PTPRT: variants seen among roughly 807,000 people sequenced by gnomAD.
PTPRT encodes receptor-type tyrosine-protein phosphatase T.
In PTPRT, 56 loss-of-function variants were observed where a neutral mutation model predicts 176.8. The ratio of observed to expected loss-of-function variants is 0.32; its 90% CI spans 0.26 to 0.40. The LOEUF (loss-of-function observed/expected upper bound fraction) is 0.40. PTPRT is among the 10% of genes least tolerant of loss of function. The pLI, the probability that PTPRT is intolerant of heterozygous loss-of-function variation, is 1.00. For missense variants in PTPRT, 1,540 were observed against 1,908.2 expected (o/e 0.81, Z 3.60); for synonymous variants, 783 against 739.0 (o/e 1.06, Z -0.96).
chr20:42,088,830 G>T (rs1984299259), intron 27 of PTPRT, among the ~76,000 whole-genome samples: 1 of 152,108 alleles, frequency 6.6e-6, no homozygotes. Context: ...TGAGGATAAA[G>T]GACATAATTC....
chr20:43,119,854 A>T (rs979413509), intron 1 of PTPRT, among the ~76,000 whole-genome samples: 3 of 152,220 alleles, frequency 2.0e-5, no homozygotes, highest in African/African-American at 7.2e-5. Context: ...TATAAATAGC[A>T]ATGTCAGGAA....
intron 2 of PTPRT, among the ~76,000 whole-genome samples, chr20:42,813,611 T>G (rs2077733526): frequency 6.6e-6 from 1 of 152,198 alleles, no homozygotes; most frequent in Non-Finnish European, 1.5e-5. Context: ...ATAGCATATG[T>G]GACACCTGAC....
intron 15 of PTPRT, among the ~76,000 whole-genome samples, chr20:42,231,013 C>T (rs978727720): frequency 1.3e-5 from 2 of 152,196 alleles, no homozygotes; most frequent in Non-Finnish European, 2.9e-5. Flanking sequence ...TCAGCTCTGA[C>T]TCCTCTCAAC....
At chr20:42,066,946 A>C in the PTPRT span, among the ~76,000 whole-genome samples, 1 of 152,160 alleles carries the variant, frequency 6.6e-6, no homozygotes, top group Non-Finnish European at 1.5e-5. Context: ...GTGGAGATTC[A>C]TTGTAAAATG....
In PTPRT at chr20:42,627,381, A is replaced by T. The variant is rs73263821; in HGVS notation, c.1153+50485T>A. Among the ~76,000 whole-genome samples the T allele has an allele frequency of 2.7e-3, 415 of 152,078 alleles. 6 individuals are homozygous for T. The highest frequency in any genetic ancestry group is 9.6e-3 in the African/African-American group (399 of 41,468). On this transcript the variant is annotated intron_variant, in intron 7 of 30. Coordinates refer to ENST00000373187, the MANE Select transcript of PTPRT (RefSeq NM_007050.6). ...TGGGATCAAACAACCCTCTTGCCTCAACCTCCCATGCCCATGTAGCTGGGA... is the reference window on the plus strand; with the variant it reads ...TGGGATCAAACAACCCTCTTGCCTCTACCTCCCATGCCCATGTAGCTGGGA...
In PTPRT at chr20:43,083,353, T is replaced by TATATACATATAC. The variant is rs1568774217; in HGVS notation, c.88+106292_88+106293insGTATATGTATAT. 1.2e-4 allele frequency among the ~76,000 whole-genome samples: 16 copies of TATATACATATAC among 128,454 alleles called. 1 individual carries two copies. The South Asian group carries it at 4.0e-3, about 32-fold the overall frequency. The allele number at this position is 128,454 out of a possible 152,430, so 84.3% of individuals were successfully genotyped here. A position where few individuals can be genotyped will look rare whatever the true frequency, so the allele number is the denominator to read the frequency against. On this transcript the variant is annotated intron_variant, in intron 1 of 30. Coordinates refer to ENST00000373187, the MANE Select transcript of PTPRT (RefSeq NM_007050.6). ...ATATATATATATATATATATATATA[T>TATATACATATAC]ATATATATATATATATACATTTTTT...
chr20:43,076,963 G>A (rs1233225943), intron 1 of PTPRT, among the ~76,000 whole-genome samples: 1 of 152,096 alleles, frequency 6.6e-6, no homozygotes, highest in Non-Finnish European at 1.5e-5. Flanking sequence ...TCTCCAGAGT[G>A]CTGGTTCTAA....
chr20:43,107,138 GATGA>G (rs1232388144), intron 1 of PTPRT, among the ~76,000 whole-genome samples: 1 of 152,140 alleles, frequency 6.6e-6, no homozygotes, highest in Non-Finnish European at 1.5e-5. Flanking sequence ...TACTTAAACA[GATGA>G]AAGAATATAA....
chr20:43,058,656 T>C (rs554438439), intron 1 of PTPRT, among the ~76,000 whole-genome samples: 7 of 152,332 alleles, frequency 4.6e-5, no homozygotes, highest in African/African-American at 1.2e-4. Flanking sequence ...ATCAGTGAGA[T>C]GGAAACCAGG....
At chr20:42,367,854 G>A (rs1600902835) in intron 9 of PTPRT, among the ~76,000 whole-genome samples, 1 of 152,216 alleles carries the variant, frequency 6.6e-6, no homozygotes, top group South Asian at 2.1e-4. Context: ...TCTAGCCTGG[G>A]TGGCATGGGG....
At chr20:42,953,849 A>G (rs75170856) in intron 1 of PTPRT, among the ~76,000 whole-genome samples, 11,127 of 152,202 alleles carry the variant, frequency 0.073, 1,181 homozygotes, top group African/African-American at 0.23. Context: ...AGTGCTTTGT[A>G]GGGTGCTTAG....
At chr20:42,737,393 G>A (rs1019492376) in intron 6 of PTPRT, among the ~76,000 whole-genome samples, 1 of 152,204 alleles carries the variant, frequency 6.6e-6, no homozygotes, top group African/African-American at 2.4e-5. Context: ...CATTTTGGGA[G>A]GCCAAGGTGG....
intron 9 of PTPRT, among the ~76,000 whole-genome samples, chr20:42,432,189 C>T (rs1037107616): frequency 1.3e-5 from 2 of 152,170 alleles, no homozygotes; most frequent in Non-Finnish European, 2.9e-5. Context: ...GCAGTCTAAG[C>T]CTCACTTAGG....
At chr20:42,823,955 T>C (rs1050985155) in intron 2 of PTPRT, among the ~76,000 whole-genome samples, 2 of 151,068 alleles carry the variant, frequency 1.3e-5, no homozygotes, top group Non-Finnish European at 3.0e-5. Flanking sequence ...AACAAATAGA[T>C]AAAACACAAC....
intron 6 of PTPRT, among the ~76,000 whole-genome samples, chr20:42,678,786 T>C (rs2075552641): frequency 6.6e-6 from 1 of 152,210 alleles, no homozygotes; most frequent in African/African-American, 2.4e-5. Flanking sequence ...GCTGGGTGAA[T>C]ACTCTGTTTT....
At chr20:43,008,599 A>G (rs891543502) in intron 1 of PTPRT, among the ~76,000 whole-genome samples, 2 of 152,136 alleles carry the variant, frequency 1.3e-5, no homozygotes, top group Non-Finnish European at 2.9e-5. Flanking sequence ...TCTGAGGTGG[A>G]GGCATCACTT....
intron 15 of PTPRT, 69 bp from the exon 16 acceptor site, chr20:42,199,457 A>T (rs1289409257): frequency 1.3e-6 from 2 of 1,521,444 alleles, no homozygotes; most frequent in Non-Finnish European, 1.8e-6. Flanking sequence ...CATTGGGTAG[A>T]TTGTTCTTCC....
At chr20:42,130,358 G>A (rs940911833) in intron 18 of PTPRT, among the ~76,000 whole-genome samples, 3 of 152,182 alleles carry the variant, frequency 2.0e-5, no homozygotes, top group Non-Finnish European at 4.4e-5. Flanking sequence ...GCTGGAACCT[G>A]AAGCCACAGT....
intron 6 of PTPRT, among the ~76,000 whole-genome samples, chr20:42,711,073 T>C (rs1298202457): frequency 6.6e-6 from 1 of 152,252 alleles, no homozygotes; most frequent in Non-Finnish European, 1.5e-5. Flanking sequence ...TGTACTACTA[T>C]TGCATCTTTG....
Sources: gnomAD v4.1 joint callset for allele counts (sites outside exome capture counted in the v4.1 genomes callset) on GRCh38, gnomAD v4.1.1 for gene constraint, MANE v1.5 for transcripts, NCBI Gene and HGNC (gene_info 2026-07-23, HGNC 2026-07-21) for gene names.